Variants in EIF4E observed in about 807,000 individuals in gnomAD.
The protein encoded by EIF4E is eukaryotic translation initiation factor 4E.
For missense variants in EIF4E, 113 were observed against 265.6 expected, an observed-to-expected ratio of 0.43 and a Z score of 3.99; for synonymous variants, 71 against 88.5, an observed-to-expected ratio of 0.80 and a Z score of 1.11.
At chr4:98,909,125 C>T (rs1725000371) in intron 1 of EIF4E, among the ~76,000 whole-genome samples, 1 of 152,098 alleles carries the variant, frequency 6.6e-6, no homozygotes, top group African/African-American at 2.4e-5. Context: ...AATGGTACAC[C>T]TCACCCTTCC....
At chr4:98,929,070 G>A (rs768153943) in intron 1 of EIF4E, 25 bp downstream of exon 1, 8 of 1,580,012 alleles carry the variant, frequency 5.1e-6, no homozygotes, top group Non-Finnish European at 6.9e-6. Flanking sequence ...GACCCGTGGG[G>A]GTGGGGGCCA....
chr4:98,925,951 G>GT (rs1725846336), intron 1 of EIF4E: 1 of 152,038 alleles, frequency 6.6e-6, no homozygotes, highest in South Asian at 2.1e-4. Context: ...GACCACTTGA[G>GT]TCCAGGAGTT....
chr4:98,925,122 G>A (rs562384656), intron 1 of EIF4E, among the ~76,000 whole-genome samples: 2 of 152,146 alleles, frequency 1.3e-5, no homozygotes, highest in African/African-American at 2.4e-5. Context: ...AATAAGCTGT[G>A]TAGTACAGAG....
At chr4:98,927,138 T>C (rs944557763) in intron 1 of EIF4E, among the ~76,000 whole-genome samples, 3 of 152,214 alleles carry the variant, frequency 2.0e-5, no homozygotes, top group South Asian at 2.1e-4. Context: ...ATTAGTGTTA[T>C]GTAATATTAA....
At position 98,891,254 on chromosome 4, in the gene EIF4E, A is replaced by C. The variant is rs893739430; in HGVS notation, c.204T>G (p.Thr68=). ...TTACTTACGCCCAAAAGTCTTCAACAGTATCAAACTTGGAGATCAGCCGCA... is the reference window on the plus strand; with the variant it reads ...TTACTTACGCCCAAAAGTCTTCAACCGTATCAAACTTGGAGATCAGCCGCA... ...ANLRLISKFD[T]VEDFWALYNH... is the part of the protein sequence containing the mutation. Residue 68 remains threonine, a synonymous_variant, in exon 3 of 7, where the codon ACT becomes ACG. Coordinates refer to ENST00000450253, the MANE Select transcript of EIF4E (RefSeq NM_001968.5). The C allele has an allele frequency of 1.7e-5, 27 of 1,614,078 alleles. No individual in the cohort carries two copies. Among genetic ancestry groups the C allele is most frequent in the East Asian group, 2.2e-5 (1 of 44,884 alleles).
chr4:98,922,417 G>A (rs564780857), intron 1 of EIF4E, among the ~76,000 whole-genome samples: 7 of 152,140 alleles, frequency 4.6e-5, no homozygotes, highest in Admixed American at 2.0e-4. Context: ...TTAGCCGGGC[G>A]TGGTGGCACG....
intron 2 of EIF4E, among the ~76,000 whole-genome samples, chr4:98,892,681 CAAA>C (rs72248242): frequency 9.6e-4 from 110 of 114,078 alleles, no homozygotes; most frequent in Middle Eastern, 4.9e-3. Flanking sequence ...AACTCTGTCT[CAAA>C]AAAAAAAAAA....
chr4:98,901,551 T>C (rs532236907), intron 2 of EIF4E, among the ~76,000 whole-genome samples: 1 of 152,306 alleles, frequency 6.6e-6, no homozygotes, highest in South Asian at 2.1e-4. Context: ...ATAGGCATTC[T>C]TCTTCAACAA....
intron 1 of EIF4E, among the ~76,000 whole-genome samples, chr4:98,906,652 G>A (rs1014525135): frequency 3.3e-5 from 5 of 152,078 alleles, no homozygotes; most frequent in Admixed American, 1.3e-4. Flanking sequence ...CTAAGGCTGC[G>A]GTGAGCTATG....
chr4:98,882,064 G>A (rs993635731), intron 6 of EIF4E, among the ~76,000 whole-genome samples: 8 of 152,158 alleles, frequency 5.3e-5, no homozygotes, highest in African/African-American at 1.9e-4. Context: ...GGTTTCAGAG[G>A]AAGATCACAG....
At chr4:98,919,610 G>A (rs961423559) in intron 1 of EIF4E, among the ~76,000 whole-genome samples, 6 of 144,766 alleles carry the variant, frequency 4.1e-5, no homozygotes, top group Non-Finnish European at 7.5e-5. Context: ...CCAGGCTGGC[G>A]TGCAGTGGTG....
intron 1 of EIF4E, among the ~76,000 whole-genome samples, chr4:98,908,280 A>G (rs1724965986): frequency 6.6e-6 from 1 of 152,160 alleles, no homozygotes; most frequent in Non-Finnish European, 1.5e-5. Context: ...TACCACACCT[A>G]AATAATTCTG....
chr4:98,889,504 C>T (rs1724064036), intron 3 of EIF4E, among the ~76,000 whole-genome samples: 1 of 152,136 alleles, frequency 6.6e-6, no homozygotes, highest in South Asian at 2.1e-4. Context: ...TATAATGGCA[C>T]ATCTAAACAG....
intron 2 of EIF4E, among the ~76,000 whole-genome samples, chr4:98,892,277 C>T (rs149102455): frequency 0.025 from 3,676 of 144,656 alleles, 82 homozygotes; most frequent in African/African-American, 0.052. Flanking sequence ...GCTGAGATCA[C>T]GCCACTGCAC....
At chr4:98,895,876 C>A (rs1273278717) in intron 2 of EIF4E, among the ~76,000 whole-genome samples, 4 of 151,518 alleles carry the variant, frequency 2.6e-5, no homozygotes, top group African/African-American at 9.7e-5. Flanking sequence ...CAAAGTGAGA[C>A]CTCATCTCTA....
chr4:98,912,894 T>G (rs1400138093), intron 1 of EIF4E, among the ~76,000 whole-genome samples: 1 of 152,160 alleles, frequency 6.6e-6, no homozygotes. Flanking sequence ...TTCAAACAAA[T>G]GAGCAGTTAC....
intron 1 of EIF4E, among the ~76,000 whole-genome samples, chr4:98,904,925 G>A (rs992964894): frequency 1.3e-5 from 2 of 151,136 alleles, no homozygotes; most frequent in African/African-American, 2.4e-5. Context: ...ATTTTAAAAC[G>A]AATGATGTGA....
intron 1 of EIF4E, chr4:98,903,548 T>G: frequency 2.2e-6 from 1 of 447,090 alleles, no homozygotes; most frequent in South Asian, 1.6e-5. Context: ...CTCACCATGT[T>G]GGCCAGGCTG....
chr4:98,906,042 T>C (rs922914779), intron 1 of EIF4E, among the ~76,000 whole-genome samples: 3 of 152,252 alleles, frequency 2.0e-5, no homozygotes, highest in African/African-American at 7.2e-5. Context: ...AAAACCATGA[T>C]GTGCTTTTCC....
Sources: gnomAD v4.1 joint callset for allele counts (sites outside exome capture counted in the v4.1 genomes callset) on GRCh38, gnomAD v4.1.1 for gene constraint, MANE v1.5 for transcripts, NCBI Gene and HGNC (gene_info 2026-07-23, HGNC 2026-07-21) for gene names.